CDH19: variants seen among roughly 807,000 people sequenced by gnomAD.
CDH19 encodes cadherin-19.
CDH19 carries 67 observed loss-of-function variants against 64.2 expected under a neutral mutation model. The observed-to-expected ratio is 1.04, with a 90% CI of 0.86 to 1.28. The LOEUF is 1.28. Ranked by LOEUF, CDH19 falls within the 50% of genes most tolerant of loss-of-function variation. The probability of loss-of-function intolerance (pLI) is 0.00; values close to 1 mark genes in which losing one functional copy is unlikely to be tolerated. For missense variants in CDH19, 1,030 were observed against 929.0 expected, an observed-to-expected ratio of 1.11 and a Z score of -1.41; for synonymous variants, 346 against 319.3, an observed-to-expected ratio of 1.08 and a Z score of -0.89.
chr18:66,555,244 G>A (rs1203144739), intron 3 of CDH19, among the ~76,000 whole-genome samples: 1 of 151,772 alleles, frequency 6.6e-6, no homozygotes, highest in Non-Finnish European at 1.5e-5. Context: ...CTGTAAACAT[G>A]GAATTGAATG....
At chr18:66,603,068 AC>A (rs1478468148) in intron 1 of CDH19, among the ~76,000 whole-genome samples, 1 of 151,032 alleles carries the variant, frequency 6.6e-6, no homozygotes, top group Admixed American at 6.6e-5. Flanking sequence ...TATTAATTCA[AC>A]AAATGAATTA....
chr18:66,542,840 A>C (rs965161477), intron 7 of CDH19, among the ~76,000 whole-genome samples: 3 of 152,144 alleles, frequency 2.0e-5, no homozygotes, highest in African/African-American at 7.2e-5. Flanking sequence ...TCCTTATGAG[A>C]ATCCAATGCC....
intron 1 of CDH19, among the ~76,000 whole-genome samples, chr18:66,591,753 A>G (rs992459444): frequency 9.9e-5 from 15 of 151,886 alleles, no homozygotes; most frequent in Admixed American, 6.6e-5. Flanking sequence ...AACATTCCTG[A>G]AAAGTCATAT....
chr18:66,543,743 C>T (rs1986986018), intron 7 of CDH19, among the ~76,000 whole-genome samples: 1 of 151,824 alleles, frequency 6.6e-6, no homozygotes, highest in Non-Finnish European at 1.5e-5. Context: ...ATTAGCTGGG[C>T]GTGGTGGCGC....
At chr18:66,543,740 G>T (rs1210211667) in intron 7 of CDH19, among the ~76,000 whole-genome samples, 1 of 151,974 alleles carries the variant, frequency 6.6e-6, no homozygotes, top group African/African-American at 2.4e-5. Flanking sequence ...AAAATTAGCT[G>T]GGCGTGGTGG....
chr18:66,569,044 A>T (rs1325449579), intron 2 of CDH19, among the ~76,000 whole-genome samples: 1 of 151,570 alleles, frequency 6.6e-6, no homozygotes, highest in East Asian at 1.9e-4. Flanking sequence ...CTAAAACTAT[A>T]CTCTCAAATA....
chr18:66,519,524 T>C (rs1985890586), intron 9 of CDH19, among the ~76,000 whole-genome samples: 1 of 152,176 alleles, frequency 6.6e-6, no homozygotes, highest in African/African-American at 2.4e-5. Context: ...TTATTGTAGC[T>C]TGTTGTTTTT....
At chr18:66,565,032 C>G (rs1377844380) in intron 3 of CDH19, among the ~76,000 whole-genome samples, 1 of 151,836 alleles carries the variant, frequency 6.6e-6, no homozygotes, top group Admixed American at 6.6e-5. Context: ...CTATTCTAAT[C>G]ACTTATTTAG....
At chr18:66,537,649 T>C (rs1986726991) in intron 7 of CDH19, among the ~76,000 whole-genome samples, 1 of 152,084 alleles carries the variant, frequency 6.6e-6, no homozygotes, top group Admixed American at 6.6e-5. Context: ...TTTTTAATAC[T>C]TTCTTTCTGG....
chr18:66,575,029 T>A (rs202029228), intron 1 of CDH19, among the ~76,000 whole-genome samples: 4 of 151,814 alleles, frequency 2.6e-5, no homozygotes, highest in South Asian at 2.1e-4. Context: ...TGTAAAAAAA[T>A]TAAGAGGTAA....
chr18:66,582,395 A>G (rs546001305), intron 1 of CDH19, among the ~76,000 whole-genome samples: 2 of 152,124 alleles, frequency 1.3e-5, no homozygotes, highest in East Asian at 3.9e-4. Flanking sequence ...GAATGACACC[A>G]TGCATAAAAA....
chr18:66,504,562 A>T lies in CDH19; in HGVS notation c.*250T>A, dbSNP rs1985088251. The stretch of plus-strand genomic sequence containing the variant: ...TCTCATCTACTTTTAATATCTTCCT[A>T]AATTATTTTACTTCAAATCTGGTTG... On this transcript the variant is annotated 3_prime_UTR_variant, in exon 12 of 12. Coordinates refer to ENST00000262150, the MANE Select transcript of CDH19 (RefSeq NM_021153.4). 2.7e-6 allele frequency: 1 copy of T among 366,122 alleles called. No individual in the cohort carries two copies. The highest frequency in any genetic ancestry group is 4.1e-5 in the Admixed American group (1 of 24,544). 22.7% of individuals were successfully genotyped at this position (366,122 alleles called of 1,614,324 possible).
At chr18:66,509,474 G>T (rs978004889) in intron 10 of CDH19, among the ~76,000 whole-genome samples, 1 of 151,638 alleles carries the variant, frequency 6.6e-6, no homozygotes, top group Non-Finnish European at 1.5e-5. Flanking sequence ...TTTAAATTAT[G>T]TAGTAAAATT....
intron 7 of CDH19, among the ~76,000 whole-genome samples, chr18:66,537,881 A>G (rs988919127): frequency 2.0e-5 from 3 of 152,038 alleles, no homozygotes; most frequent in Non-Finnish European, 4.4e-5. Context: ...AAACACATCT[A>G]TATTTATTTC....
chr18:66,513,027 G>T lies in CDH19; in HGVS notation c.1459-1342C>A, dbSNP rs558918604. Among the ~76,000 whole-genome samples, 18 of 151,468 alleles carry T rather than the reference G, an allele frequency of 1.2e-4. No individual in the cohort carries two copies. In the South Asian group the frequency reaches 3.7e-3, roughly 31 times the overall value. On this transcript the variant is annotated intron_variant, in intron 9 of 11. Transcript: ENST00000262150. ...TCTTGTTGAGTTTTTGCATATCATG[G>T]TGTCCTGAATATTGTTAGTCATAGG...
intron 3 of CDH19, among the ~76,000 whole-genome samples, chr18:66,556,465 T>C (rs1169650544): frequency 6.6e-6 from 1 of 151,832 alleles, no homozygotes; most frequent in African/African-American, 2.4e-5. Context: ...TTTTATTCTC[T>C]ATCTTTCTAT....
At chr18:66,591,818 C>T (rs1988755317) in intron 1 of CDH19, among the ~76,000 whole-genome samples, 1 of 151,778 alleles carries the variant, frequency 6.6e-6, no homozygotes, top group African/African-American at 2.4e-5. Context: ...ATTTTTTGCA[C>T]ATTCTGGACA....
chr18:66,598,200 G>A (rs763888771), intron 1 of CDH19, among the ~76,000 whole-genome samples: 55 of 152,272 alleles, frequency 3.6e-4, no homozygotes, highest in Middle Eastern at 3.4e-3. Flanking sequence ...CTGCTGATGT[G>A]AATGTAAATT....
intron 1 of CDH19, among the ~76,000 whole-genome samples, chr18:66,603,179 G>C (rs980468366): frequency 1.3e-5 from 2 of 150,156 alleles, no homozygotes; most frequent in Admixed American, 6.6e-5. Flanking sequence ...ATATTTAATA[G>C]ATTTATTAAA....
Sources: allele counts gnomAD v4.1 joint callset (sites outside exome capture counted in the v4.1 genomes callset), GRCh38; gene constraint gnomAD v4.1.1; transcripts MANE v1.5; gene names NCBI Gene and HGNC (gene_info 2026-07-23, HGNC 2026-07-21).